The following PRR5 variants were observed in gnomAD, a reference collection of about 807,000 sequenced individuals.
PRR5 encodes proline rich 5, also known as proline-rich protein 5.
Under a neutral mutation model 30.6 loss-of-function variants are expected in PRR5, and 25 were observed. The observed-to-expected ratio is 0.82, with a 90% CI of 0.60 to 1.14. The LOEUF (loss-of-function observed/expected upper bound fraction) is 1.14. Among genes scored for constraint, PRR5 ranks in the 50% most tolerant of loss-of-function variants. The pLI, the probability that PRR5 is intolerant of heterozygous loss-of-function variation, is 0.00. For missense variants in PRR5, 600 were observed against 547.1 expected, an observed-to-expected ratio of 1.10 and a Z score of -0.96; for synonymous variants, 286 against 247.1, an observed-to-expected ratio of 1.16 and a Z score of -1.48.
intron 1 of PRR5, among the ~76,000 whole-genome samples, chr22:44,690,268 G>A (rs1158904232): frequency 1.3e-5 from 2 of 152,178 alleles, no homozygotes; most frequent in Non-Finnish European, 2.9e-5. Context: ...ATGTCCACTG[G>A]GTGTTGACCT....
At chr22:44,726,131 G>C (rs1270531256) in intron 3 of PRR5, among the ~76,000 whole-genome samples, 1 of 152,218 alleles carries the variant, frequency 6.6e-6, no homozygotes, top group Non-Finnish European at 1.5e-5. Context: ...GCGGGTGCTT[G>C]GGTTGCTGAG....
intron 1 of PRR5, among the ~76,000 whole-genome samples, chr22:44,707,151 C>T (rs529313256): frequency 2.3e-4 from 35 of 152,364 alleles, no homozygotes; most frequent in African/African-American, 8.4e-4. Context: ...CTGCTAGCTC[C>T]CAGGCAGCTC....
At chr22:44,713,147 C>T (rs873724) in intron 1 of PRR5, among the ~76,000 whole-genome samples, 68,367 of 151,990 alleles carry the variant, frequency 0.45, 15,733 homozygotes, top group East Asian at 0.58. Flanking sequence ...TGGATGCTGC[C>T]TGCAGGACCT....
At chr22:44,717,666 AG>A (rs148168294) in intron 2 of PRR5, among the ~76,000 whole-genome samples, 2,768 of 151,066 alleles carry the variant, frequency 0.018, 87 homozygotes, top group African/African-American at 0.063. Flanking sequence ...TCTCTCACTC[AG>A]TGCAGTGCTC....
At position 44,729,651 on chromosome 22, in the gene PRR5, A is replaced by T. The variant is rs371745629; in HGVS notation, c.323-2079A>T. 4.1e-5 allele frequency: 40 copies of T among 985,374 alleles called. No individual in the cohort carries two copies. In the African/African-American group the frequency reaches 6.1e-4, roughly 15 times the overall value. 61.0% of individuals were successfully genotyped at this position (985,374 alleles called of 1,614,324 possible). On this transcript the variant is annotated intron_variant, in intron 4 of 7. Coordinates refer to ENST00000336985, the MANE Select transcript of PRR5 (RefSeq NM_181333.4). The stretch of plus-strand genomic sequence containing the variant: ...CCCATACCTGCCTCCGACTAACCCT[A>T]CTGCCCCACAGAGGGGCCCCCACAG...
chr22:44,715,347 G>C (rs553112524), intron 2 of PRR5, among the ~76,000 whole-genome samples: 20 of 152,278 alleles, frequency 1.3e-4, no homozygotes, highest in Non-Finnish European at 2.4e-4. Flanking sequence ...CTGTTACCTT[G>C]TCCCTGTGTC....
intron 3 of PRR5, among the ~76,000 whole-genome samples, chr22:44,726,109 A>G (rs1920941220): frequency 6.6e-6 from 1 of 152,218 alleles, no homozygotes; most frequent in Non-Finnish European, 1.5e-5. Context: ...TTTGTGGTCC[A>G]TGCTTTCATT....
intron 3 of PRR5, among the ~76,000 whole-genome samples, chr22:44,725,772 C>A (rs145978895): frequency 6.6e-6 from 1 of 152,316 alleles, no homozygotes; most frequent in African/African-American, 2.4e-5. Context: ...TCAAGCGATT[C>A]CCCTGTTTCA....
At chr22:44,695,868 G>A (rs74666121) in intron 1 of PRR5, among the ~76,000 whole-genome samples, 7 of 144,334 alleles carry the variant, frequency 4.8e-5, no homozygotes, top group African/African-American at 1.3e-4. Flanking sequence ...CCCAAAGTGC[G>A]CCCAGCCTGT....
Position 44,725,311 on chromosome 22 carries a change from A to T in PRR5, c.264+19A>T. Reference sequence around the variant, plus strand: ...CCTGCAGGTAGGTGGGTCTTGCTCCAGCCAGGCTGGGCCTGCCTCATGAGC... The same window carrying T: ...CCTGCAGGTAGGTGGGTCTTGCTCCTGCCAGGCTGGGCCTGCCTCATGAGC... On this transcript the variant is annotated intron_variant, in intron 3 of 7. Transcript: ENST00000336985. 2.5e-6 allele frequency: 4 copies of T among 1,612,460 alleles called. No individual in the cohort carries two copies. Among genetic ancestry groups the T allele is most frequent in the Non-Finnish European group, 3.4e-6 (4 of 1,179,900 alleles).
At chr22:44,702,141 T>G (rs1302413785), upstream of PRR5, 6 of 193,140 alleles carry the variant, frequency 3.1e-5, no homozygotes, top group African/African-American at 5.2e-5. Context: ...CCCCGCCCCC[T>G]TCCCCGCCCC....
In PRR5 at chr22:44,731,746, C is replaced by T. The variant is rs1461897045; in HGVS notation, c.339C>T (p.Asp113=). The part of the protein sequence containing the change: ...IRFYEGQKLL[D]SLAETWDFFF... Reference sequence around the variant, plus strand: ...TGCCCACAGGACAGAAGCTGCTGGACTCACTGGCAGAGACCTGGGACTTCT... The same window carrying T: ...TGCCCACAGGACAGAAGCTGCTGGATTCACTGGCAGAGACCTGGGACTTCT... The change falls in exon 5 of 8, where the codon GAC becomes GAT. Residue 113 remains aspartate (D), a synonymous_variant. Coordinates refer to ENST00000336985, the MANE Select transcript of PRR5 (RefSeq NM_181333.4). 2 of 1,613,684 alleles carry T rather than the reference C, an allele frequency of 1.2e-6. No homozygotes were observed. The highest frequency in any genetic ancestry group is 2.7e-5 in the African/African-American group (2 of 74,944).
upstream of PRR5, among the ~76,000 whole-genome samples, chr22:44,699,923 T>C (rs1206332776): frequency 2.0e-5 from 1 of 48,846 alleles, no homozygotes; most frequent in African/African-American, 7.8e-5. Context: ...ATGTTTTTTG[T>C]TGTTGTTTTT....
chr22:44,722,992 T>G (rs1287798736), intron 2 of PRR5, among the ~76,000 whole-genome samples: 1 of 150,508 alleles, frequency 6.6e-6, no homozygotes. Context: ...ACTTTTCTTT[T>G]TTTTTTTTTT....
At position 44,726,654 on chromosome 22, in the gene PRR5, C is replaced by T. The variant is rs200815130; in HGVS notation, c.322+20C>T. On this transcript the variant is annotated intron_variant, in intron 4 of 7. Coordinates refer to ENST00000336985, the MANE Select transcript of PRR5 (RefSeq NM_181333.4). Reference sequence around the variant, plus strand: ...ATGAGGGTGAGTGTGGGCCCCTTGGCGGCCACTCTGGGCCATGCTGGGTCC... The same window carrying T: ...ATGAGGGTGAGTGTGGGCCCCTTGGTGGCCACTCTGGGCCATGCTGGGTCC... 5.0e-5 allele frequency: 80 copies of T among 1,613,892 alleles called. No homozygotes were observed. The highest frequency in any genetic ancestry group is 5.0e-5 in the Non-Finnish European group (59 of 1,180,012).
At chr22:44,711,927 C>G (rs965570910) in intron 1 of PRR5, among the ~76,000 whole-genome samples, 1 of 152,240 alleles carries the variant, frequency 6.6e-6, no homozygotes, top group Non-Finnish European at 1.5e-5. Flanking sequence ...GGGTGGTTGC[C>G]GTTGGGGGAC....
At chr22:44,718,288 G>A (rs185604332) in intron 2 of PRR5, among the ~76,000 whole-genome samples, 39 of 137,444 alleles carry the variant, frequency 2.8e-4, no homozygotes, top group African/African-American at 9.5e-4. Context: ...TCCGCCTCCC[G>A]GGTTCAAGCG....
chr22:44,736,281 G>T lies in PRR5; in HGVS notation c.692-491G>T, dbSNP rs576039786. Among the ~76,000 whole-genome samples the T allele has an allele frequency of 2.2e-4, 33 of 152,326 alleles. No individual in the cohort carries two copies. In the South Asian group the frequency reaches 5.2e-3, roughly 24 times the overall value. On this transcript the variant is annotated intron_variant, in intron 7 of 7. Coordinates refer to ENST00000336985, the MANE Select transcript of PRR5 (RefSeq NM_181333.4). ...ATCCCCGCCTTGACCTTACATGGAGGGCCTGTCCCCATCTGCTCCCATCAC... is the reference window on the plus strand; with the variant it reads ...ATCCCCGCCTTGACCTTACATGGAGTGCCTGTCCCCATCTGCTCCCATCAC...
In PRR5 at chr22:44,720,359, C is replaced by G. The variant is rs543950465; in HGVS notation, c.216-4885C>G. 2.0e-5 allele frequency among the ~76,000 whole-genome samples: 3 copies of G among 152,342 alleles called. No individual in the cohort carries two copies. The East Asian group carries it at 5.8e-4, about 29-fold the overall frequency. On this transcript the variant is annotated intron_variant, in intron 2 of 7. Transcript: ENST00000336985. Reference sequence around the variant, plus strand: ...GTTTTTCATCTGCAGGACTAGGGCTCCAACCTTGGGTTCCCTGATCCAGCC... The same window carrying G: ...GTTTTTCATCTGCAGGACTAGGGCTGCAACCTTGGGTTCCCTGATCCAGCC...
Sources: allele counts gnomAD v4.1 joint callset (sites outside exome capture counted in the v4.1 genomes callset), GRCh38; gene constraint gnomAD v4.1.1; transcripts MANE v1.5; gene names NCBI Gene and HGNC (gene_info 2026-07-23, HGNC 2026-07-21).